The following GRIN2A variants were observed in gnomAD, a reference collection of about 807,000 sequenced individuals.
The protein encoded by GRIN2A is glutamate ionotropic receptor NMDA type subunit 2A, also known as glutamate receptor ionotropic, NMDA 2A.
A neutral mutation model predicts 113.4 loss-of-function variants in GRIN2A; 22 were observed. The observed-to-expected ratio is 0.19, with a 90% CI of 0.14 to 0.28. The LOEUF is 0.28. Among genes scored for constraint, GRIN2A ranks in the 10% least tolerant of loss-of-function variants. GRIN2A has a pLI of 1.00. For missense variants in GRIN2A, 1,502 were observed against 1,887.0 expected, an observed-to-expected ratio of 0.80 and a Z score of 3.78; for synonymous variants, 827 against 738.4, an observed-to-expected ratio of 1.12 and a Z score of -1.94.
At chr16:10,084,128 T>TA (rs1310294335) in intron 2 of GRIN2A, among the ~76,000 whole-genome samples, 40 of 152,260 alleles carry the variant, frequency 2.6e-4, no homozygotes, top group Admixed American at 5.9e-4. Flanking sequence ...CATTCAGTTG[T>TA]AAAAATTAAA....
At chr16:9,946,377 T>A (rs113193778) in intron 2 of GRIN2A, among the ~76,000 whole-genome samples, 17 of 152,334 alleles carry the variant, frequency 1.1e-4, no homozygotes, top group African/African-American at 4.1e-4. Flanking sequence ...ACCATGGGGT[T>A]GGGTCTCTGA....
chr16:9,832,850 A>T (rs2042520248), intron 8 of GRIN2A, among the ~76,000 whole-genome samples: 1 of 152,208 alleles, frequency 6.6e-6, no homozygotes, highest in South Asian at 2.1e-4. Flanking sequence ...TTGATTGAAG[A>T]TGGTTTATGT....
chr16:9,824,171 T>C (rs967180188), intron 9 of GRIN2A, among the ~76,000 whole-genome samples: 1 of 152,224 alleles, frequency 6.6e-6, no homozygotes, highest in Non-Finnish European at 1.5e-5. Flanking sequence ...GAAGTGGCCA[T>C]CCATTTTCCA....
At chr16:10,074,406 A>T (rs908193707) in intron 2 of GRIN2A, among the ~76,000 whole-genome samples, 6 of 152,262 alleles carry the variant, frequency 3.9e-5, no homozygotes, top group Admixed American at 6.5e-5. Context: ...CTGAAAACAG[A>T]TGTTCAAACA....
intron 7 of GRIN2A, 142 bp from the exon 8 acceptor site, chr16:9,834,372 TTTTTTA>T (rs1290339232): frequency 2.7e-5 from 21 of 779,336 alleles, no homozygotes; most frequent in East Asian, 2.7e-4. Context: ...AAGCTAATCA[TTTTTTA>T]TTTTTATTTT....
At chr16:10,066,327 C>G (rs2047648038) in intron 2 of GRIN2A, among the ~76,000 whole-genome samples, 1 of 152,206 alleles carries the variant, frequency 6.6e-6, no homozygotes, top group African/African-American at 2.4e-5. Flanking sequence ...CTAATCCTGT[C>G]TGTCTCATCG....
intron 2 of GRIN2A, among the ~76,000 whole-genome samples, chr16:10,036,237 C>A (rs1002418688): frequency 6.6e-6 from 1 of 152,010 alleles, no homozygotes; most frequent in Non-Finnish European, 1.5e-5. Flanking sequence ...GTACTGCAAA[C>A]TTGGTGGCTT....
chr16:9,773,309 C>T (rs938399030), intron 11 of GRIN2A, among the ~76,000 whole-genome samples: 1 of 152,200 alleles, frequency 6.6e-6, no homozygotes, highest in African/African-American at 2.4e-5. Context: ...GGGGAACTTG[C>T]AGCGGGCTTG....
At chr16:9,785,555 G>T (rs993282088) in intron 11 of GRIN2A, among the ~76,000 whole-genome samples, 8 of 151,418 alleles carry the variant, frequency 5.3e-5, no homozygotes, top group Non-Finnish European at 1.0e-4. Flanking sequence ...AAACCTGCAC[G>T]TTGTGCACGT....
intron 2 of GRIN2A, among the ~76,000 whole-genome samples, chr16:10,175,809 G>T (rs541403725): frequency 3.9e-5 from 6 of 152,070 alleles, no homozygotes; most frequent in Admixed American, 6.5e-5. Context: ...GAAGTGATGG[G>T]GGGTGAGAGG....
At chr16:10,081,713 A>G (rs1259720171) in intron 2 of GRIN2A, among the ~76,000 whole-genome samples, 1 of 152,184 alleles carries the variant, frequency 6.6e-6, no homozygotes, top group African/African-American at 2.4e-5. Flanking sequence ...GGAAGCACAC[A>G]TGAGACAAGC....
intron 11 of GRIN2A, among the ~76,000 whole-genome samples, chr16:9,796,419 C>T (rs1902984922): frequency 6.6e-6 from 1 of 152,172 alleles, no homozygotes; most frequent in South Asian, 2.1e-4. Flanking sequence ...ATAGGCAAAA[C>T]ATTTGGCCCC....
At chr16:10,077,509 G>A (rs890269700) in intron 2 of GRIN2A, among the ~76,000 whole-genome samples, 3 of 152,178 alleles carry the variant, frequency 2.0e-5, no homozygotes, top group African/African-American at 7.2e-5. Flanking sequence ...TCACCTGGAT[G>A]ACTTCTGTTT....
At chr16:10,058,663 G>A (rs756810482) in intron 2 of GRIN2A, among the ~76,000 whole-genome samples, 12 of 152,202 alleles carry the variant, frequency 7.9e-5, no homozygotes, top group Non-Finnish European at 1.3e-4. Context: ...CAAGTTTACA[G>A]ACCACTGAGT....
chr16:9,882,068 C>T (rs1445460091), intron 4 of GRIN2A, among the ~76,000 whole-genome samples: 1 of 152,088 alleles, frequency 6.6e-6, no homozygotes, highest in East Asian at 1.9e-4. Flanking sequence ...CACACACACA[C>T]ACAAACACAC....
Position 9,988,418 on chromosome 16 carries a change from A to G in GRIN2A, c.415-49867T>C, listed in dbSNP as rs1226932303. Among the ~76,000 whole-genome samples the G allele has an allele frequency of 2.6e-5, 4 of 152,160 alleles. No individual in the cohort carries two copies. In the Middle Eastern group the frequency reaches 0.01, roughly 388 times the overall value. The stretch of plus-strand genomic sequence containing the variant: ...ACAATTTGAACACATCCATACAACC[A>G]TTTTCCAAAATCAAGCTTCAAGATA... On this transcript the variant is annotated intron_variant, in intron 2 of 12. Transcript: ENST00000330684.
At chr16:10,007,404 C>A (rs551639838) in intron 2 of GRIN2A, among the ~76,000 whole-genome samples, 3 of 152,226 alleles carry the variant, frequency 2.0e-5, no homozygotes, top group Admixed American at 2.0e-4. Flanking sequence ...TTTTCATAGA[C>A]CTCTTTGCCA....
At chr16:10,059,718 C>T (rs2047517476) in intron 2 of GRIN2A, among the ~76,000 whole-genome samples, 1 of 60,202 alleles carries the variant, frequency 1.7e-5, no homozygotes, top group African/African-American at 5.8e-5. Flanking sequence ...ACCATCGTGA[C>T]CGAAAAAAAA....
intron 2 of GRIN2A, among the ~76,000 whole-genome samples, chr16:10,060,906 T>C (rs963921221): frequency 1.3e-5 from 2 of 152,226 alleles, no homozygotes; most frequent in African/African-American, 4.8e-5. Context: ...ATCAAAGTAT[T>C]CATTCTGAAA....
Sources: allele counts gnomAD v4.1 joint callset (sites outside exome capture counted in the v4.1 genomes callset), GRCh38; gene constraint gnomAD v4.1.1; transcripts MANE v1.5; gene names NCBI Gene and HGNC (gene_info 2026-07-23, HGNC 2026-07-21).